Variants in TRIP12 observed in about 807,000 individuals in gnomAD.
TRIP12 encodes thyroid hormone receptor interactor 12, also known as E3 ubiquitin-protein ligase TRIP12.
In TRIP12, 25 loss-of-function variants were observed where a neutral mutation model predicts 244.2. The ratio of observed to expected loss-of-function variants is 0.10; its 90% CI spans 0.07 to 0.14. The LOEUF is 0.14. Among genes scored for constraint, TRIP12 ranks in the 10% least tolerant of loss-of-function variants. The pLI, the probability that TRIP12 is intolerant of heterozygous loss-of-function variation, is 1.00. For missense variants in TRIP12, 1,677 were observed against 2,486.4 expected (o/e 0.67, Z 6.92); for synonymous variants, 905 against 873.1 (o/e 1.04, Z -0.64).
Position 229,796,591 on chromosome 2 carries a change from T to G in TRIP12, c.3816A>C (p.Pro1272=). The G allele has an allele frequency of 1.9e-6, 3 of 1,583,708 alleles. No individual in the cohort carries two copies. Among genetic ancestry groups the G allele is most frequent in the Non-Finnish European group, 1.7e-6 (2 of 1,169,278 alleles). The change falls in exon 25 of 42, where the codon CCA becomes CCC. Residue 1272 remains proline, a splice_region_variant and synonymous_variant. Coordinates refer to ENST00000675903, the MANE Select transcript of TRIP12 (RefSeq NM_001348323.3). The part of the protein sequence containing the change: ...KRFLHVFFSS[P]LPGEEPIGRV... ...ACACAGGCATTATTAGATAACTTAC[T>G]GGAGAAGAAAAAAATACATGAAGAA...
In TRIP12 at chr2:229,858,721, AC is replaced by A. The variant is rs1455164399; in HGVS notation, c.1027+50del. ...TTTAAAGCATAATTGCTTTTGACAA[AC>A]CAAGAGAAACTTTCTTTAATTAAAG... On this transcript the variant is annotated intron_variant, in intron 4 of 41. Coordinates refer to ENST00000675903, the MANE Select transcript of TRIP12 (RefSeq NM_001348323.3). 3 of 1,484,460 alleles carry A rather than the reference AC, an allele frequency of 2.0e-6. No homozygotes were observed. The South Asian group carries it at 4.1e-5, about 20-fold the overall frequency. The allele number at this position is 1,484,460 out of a possible 1,614,324, so 92.0% of individuals were successfully genotyped here.
intron 40 of TRIP12, 42 bp downstream of exon 40, chr2:229,769,189 T>G (rs1325276904): frequency 2.5e-6 from 4 of 1,570,792 alleles, no homozygotes; most frequent in Non-Finnish European, 2.6e-6. Flanking sequence ...CTCTCCACAT[T>G]CTTCAGAATC....
rs1192638093 is a variant in TRIP12 at position 229,859,472 on chromosome 2, G to A, written c.327C>T (p.Asp109=). ...RQKTGQVPKK[D]NSRGVKRSAS... ...CACTGCGCTTCACTCCTCGAGAATT[G>A]TCTTTCTTAGGCACCTGCCCCGTTT... Residue 109 remains aspartate, a synonymous_variant, in exon 4 of 42, where the codon GAC becomes GAT. Coordinates refer to ENST00000675903, the MANE Select transcript of TRIP12 (RefSeq NM_001348323.3). 1.2e-6 allele frequency: 2 copies of A among 1,614,172 alleles called. No homozygotes were observed. Among genetic ancestry groups the A allele is most frequent in the East Asian group, 2.2e-5 (1 of 44,876 alleles).
chr2:229,790,981 GT>G lies in TRIP12; in HGVS notation c.4543+142del, dbSNP rs1188880190. ...TAGATATTAAAGTTGAGGATTAAATGTGATCAAACTGTTTGTAATGTCATTT... is the reference window on the plus strand; with the variant it reads ...TAGATATTAAAGTTGAGGATTAAATGGATCAAACTGTTTGTAATGTCATTT... On this transcript the variant is annotated intron_variant, in intron 30 of 41. Transcript: ENST00000675903. 2.4e-4 allele frequency: 252 copies of G among 1,044,550 alleles called. No homozygotes were observed. In the African/African-American group the frequency reaches 3.7e-3, roughly 15 times the overall value. The allele number at this position is 1,044,550 out of a possible 1,614,324, so 64.7% of individuals were successfully genotyped here. A position where few individuals can be genotyped will look rare whatever the true frequency, so the allele number is the denominator to read the frequency against.
At chr2:229,913,527 G>T (rs1244329555) in intron 1 of TRIP12, among the ~76,000 whole-genome samples, 1 of 152,132 alleles carries the variant, frequency 6.6e-6, no homozygotes, top group South Asian at 2.1e-4. Context: ...TAAATTTGGG[G>T]TAACCAACTA....
chr2:229,778,344 A>T lies in TRIP12; in HGVS notation c.5364+89T>A, dbSNP rs938881733. Reference sequence around the variant, plus strand: ...ATTGAAGTTTGAGAAGCATTGCTCTAAACTATAGCAGTAAACTACAGGGGA... The same window carrying T: ...ATTGAAGTTTGAGAAGCATTGCTCTTAACTATAGCAGTAAACTACAGGGGA... On this transcript the variant is annotated intron_variant, in intron 36 of 41. Coordinates refer to ENST00000675903, the MANE Select transcript of TRIP12 (RefSeq NM_001348323.3). This position sits in a 1 kb window ranked among gnomAD's most constrained non-coding sequence, Gnocchi z 4.1. 1 of 1,498,540 alleles carries T rather than the reference A, an allele frequency of 6.7e-7. No individual in the cohort carries two copies. The highest frequency in any genetic ancestry group is 1.4e-5 in the African/African-American group (1 of 71,570). 92.8% of individuals were successfully genotyped at this position (1,498,540 alleles called of 1,614,324 possible).
In TRIP12 at chr2:229,805,886, G is replaced by A. The variant is rs766224721; in HGVS notation, c.2497-3C>T. 4 of 1,527,754 alleles carry A rather than the reference G, an allele frequency of 2.6e-6. No homozygotes were observed. The highest frequency in any genetic ancestry group is 1.8e-6 in the Non-Finnish European group (2 of 1,121,572). 94.6% of individuals were successfully genotyped at this position (1,527,754 alleles called of 1,614,324 possible). ...TCCTCACCGACCTGATGGGCTGCCT[G>A]AGAGCAAAGAGAGAGAAACTTTGAA... On this transcript the variant is annotated splice_region_variant and splice_polypyrimidine_tract_variant and intron_variant, in intron 17 of 41. Coordinates refer to ENST00000675903, the MANE Select transcript of TRIP12 (RefSeq NM_001348323.3).
chr2:229,763,954 ACT>A lies in TRIP12; in HGVS notation c.*3598_*3599del, dbSNP rs1158305277. The A allele has an allele frequency of 3.3e-5, 5 of 152,190 alleles. No individual in the cohort carries two copies. Among genetic ancestry groups the A allele is most frequent in the Non-Finnish European group, 7.3e-5 (5 of 68,036 alleles). 9.4% of individuals were successfully genotyped at this position (152,190 alleles called of 1,614,324 possible). A position where few individuals can be genotyped will look rare whatever the true frequency, so the allele number is the denominator to read the frequency against. Reference sequence around the variant, plus strand: ...ATTATTCCAACAGTTCATATAAATCACTGTTTCAGATAAAAGGAAAAAAATGC... The same window carrying A: ...ATTATTCCAACAGTTCATATAAATCAGTTTCAGATAAAAGGAAAAAAATGC... On this transcript the variant is annotated 3_prime_UTR_variant, in exon 42 of 42. Coordinates refer to ENST00000675903, the MANE Select transcript of TRIP12 (RefSeq NM_001348323.3).
intron 6 of TRIP12, chr2:229,831,218 A>C (rs2053270910): frequency 2.9e-6 from 2 of 681,740 alleles, no homozygotes; most frequent in Non-Finnish European, 5.3e-6. Flanking sequence ...AGTAACAAAA[A>C]TAATAAAAAG....
intron 4 of TRIP12, among the ~76,000 whole-genome samples, chr2:229,849,935 C>CAAAA (rs34774134): frequency 2.1e-5 from 3 of 143,742 alleles, no homozygotes; most frequent in African/African-American, 5.1e-5. Context: ...TAATACACAC[C>CAAAA]AAAAAAAAAA....
At chr2:229,847,514 TAAATCTAC>T (rs2057809459) in intron 4 of TRIP12, among the ~76,000 whole-genome samples, 1 of 152,144 alleles carries the variant, frequency 6.6e-6, no homozygotes, top group South Asian at 2.1e-4. Flanking sequence ...ATCTGAGACA[TAAATCTAC>T]AAGGATGAGA....
chr2:229,767,497 G>T lies in TRIP12; in HGVS notation c.*57C>A, dbSNP rs541240891. 2.2e-5 allele frequency: 34 copies of T among 1,523,426 alleles called. No individual in the cohort carries two copies. The East Asian group carries it at 6.6e-4, about 30-fold the overall frequency. 94.4% of individuals were successfully genotyped at this position (1,523,426 alleles called of 1,614,324 possible). On this transcript the variant is annotated 3_prime_UTR_variant, in exon 42 of 42. Coordinates refer to ENST00000675903, the MANE Select transcript of TRIP12 (RefSeq NM_001348323.3). ...TGACTCAGGTGATAACATTAGAAAA[G>T]AAATCATGATTTGTTTCTTTTGCTG...
At chr2:229,864,047 A>AGAGAGAGAGT in intron 2 of TRIP12, among the ~76,000 whole-genome samples, 284 of 79,264 alleles carry the variant, frequency 3.6e-3, no homozygotes, top group Middle Eastern at 9.1e-3. Context: ...AGAGAGAGAG[A>AGAGAGAGAGT]GTGTGTGTGT....
chr2:229,794,933 T>A (rs2042441072), intron 26 of TRIP12: 7 of 303,560 alleles, frequency 2.3e-5, no homozygotes, highest in African/African-American at 2.2e-5. Context: ...AAACTAAGCC[T>A]ATTACAAGTT....
Position 229,802,474 on chromosome 2 carries a change from A to G in TRIP12, c.2999-15T>C. ...ATGCATTACACCTTTATAATAACAG[A>G]GATGAAAGGGAGTCAGTTTTAATCA... On this transcript the variant is annotated splice_polypyrimidine_tract_variant and intron_variant, in intron 20 of 41. Transcript: ENST00000675903. The G allele has an allele frequency of 6.3e-7, 1 of 1,599,044 alleles. No individual in the cohort carries two copies. Among genetic ancestry groups the G allele is most frequent in the South Asian group, 1.1e-5 (1 of 89,740 alleles).
intron 24 of TRIP12, among the ~76,000 whole-genome samples, 163 bp from the exon 25 acceptor site, chr2:229,796,945 A>AACAC (rs58071278): frequency 4.0e-5 from 6 of 151,456 alleles, no homozygotes; most frequent in South Asian, 4.2e-4. Context: ...TATGATTTTA[A>AACAC]ACACACACAC....
chr2:229,785,101 A>G (rs1275656736), intron 34 of TRIP12, among the ~76,000 whole-genome samples: 1 of 152,232 alleles, frequency 6.6e-6, no homozygotes, highest in Middle Eastern at 3.2e-3. Context: ...TAGTTCATAT[A>G]ATGGAACTAC....
chr2:229,788,894 C>T lies in TRIP12; in HGVS notation c.4742G>A (p.Ser1581Asn). Residue 1581 changes from serine to asparagine, a missense_variant, in exon 32 of 42, where the codon AGT (serine) becomes AAT (asparagine). Physicochemically the swap from Ser to Asn is conservative, Grantham distance 46. Coordinates refer to ENST00000675903, the MANE Select transcript of TRIP12 (RefSeq NM_001348323.3). ...CCTATTTGCTTTTGCTGTTAACTTA[C>T]TGTTAATAAATTCACTAGTTGGAAT... Reference protein sequence around the residue: ...EIIPTSEFINSKLTAKANRQL... With the variant: ...EIIPTSEFINNKLTAKANRQL... The T allele has an allele frequency of 6.2e-7, 1 of 1,613,434 alleles. No homozygotes were observed. The highest frequency in any genetic ancestry group is 1.1e-5 in the South Asian group (1 of 91,030).
intron 1 of TRIP12, among the ~76,000 whole-genome samples, chr2:229,904,370 A>T (rs563074850): frequency 5.2e-5 from 7 of 135,100 alleles, no homozygotes; most frequent in African/African-American, 2.0e-4. Context: ...CTGACCCAAG[A>T]TTATGCCACT....
Sources: gnomAD v4.1 joint callset for allele counts (sites outside exome capture counted in the v4.1 genomes callset) on GRCh38, gnomAD v4.1.1 for gene constraint, Gnocchi (gnomAD v3.1) non-coding constraint, MANE v1.5 for transcripts, NCBI Gene and HGNC (gene_info 2026-07-23, HGNC 2026-07-21) for gene names.